Variants in NTRK1 observed in about 807,000 individuals in gnomAD.
NTRK1 encodes high affinity nerve growth factor receptor.
NTRK1 carries 62 observed loss-of-function variants against 86.8 expected under a neutral mutation model. That is an observed-to-expected ratio of 0.71 (90% confidence interval 0.58 to 0.88). The LOEUF is 0.88. NTRK1 is among the 40% of genes least tolerant of loss of function. NTRK1 has a pLI of 0.00. For missense variants in NTRK1, 967 were observed against 1,078.4 expected, an observed-to-expected ratio of 0.90 and a Z score of 1.45; for synonymous variants, 469 against 456.6, an observed-to-expected ratio of 1.03 and a Z score of -0.35.
intron 1 of NTRK1, among the ~76,000 whole-genome samples, chr1:156,818,446 C>T (rs561502614): frequency 6.6e-6 from 1 of 152,212 alleles, no homozygotes; most frequent in African/African-American, 2.4e-5. Flanking sequence ...GCAGTGTACA[C>T]TGTCCCCAAT....
Position 156,876,082 on chromosome 1 carries a change from G to T in NTRK1, c.1504G>T (p.Val502Phe). ...TCTGACCCTGCAAGCCCCCTCAGGT[G>T]TTCACCACATCAAGCGCCGGGACAT... ...ENPQYFSDAC[V>F]HHIKRRDIVL... The change falls in exon 13 of 17, where the codon GTT becomes TTT. Residue 502 changes from valine (V) to phenylalanine (F), a missense_variant and splice_region_variant. Around this residue, in one of 2 missense-constraint regions of NTRK1, gnomAD observed 637 missense variants for 776.5 expected, o/e 0.82. Coordinates refer to ENST00000524377, the MANE Select transcript of NTRK1 (RefSeq NM_002529.4). 2 of 1,614,188 alleles carry T rather than the reference G, an allele frequency of 1.2e-6. No homozygotes were observed. Among genetic ancestry groups the T allele is most frequent in the Non-Finnish European group, 1.7e-6 (2 of 1,180,032 alleles).
At chr1:156,855,853 T>G (rs866355505), upstream of NTRK1, among the ~76,000 whole-genome samples, 1 of 151,950 alleles carries the variant, frequency 6.6e-6, no homozygotes, top group Non-Finnish European at 1.5e-5. Flanking sequence ...TAAATAAAAT[T>G]GTGACACTTT....
At chr1:156,836,461 T>A (rs1654602000) in intron 1 of NTRK1, among the ~76,000 whole-genome samples, 2 of 152,212 alleles carry the variant, frequency 1.3e-5, no homozygotes, top group South Asian at 4.1e-4. Flanking sequence ...TCTAGAGGCC[T>A]TGGTGATTGA....
intron 11 of NTRK1, 116 bp downstream of exon 11, chr1:156,875,124 G>T (rs2102913108): frequency 1.2e-6 from 1 of 801,148 alleles, no homozygotes; most frequent in South Asian, 1.4e-5. Flanking sequence ...CAGGGCGTGT[G>T]AGTGTGTTTG....
chr1:156,859,348 G>T (rs187152289), upstream of NTRK1, among the ~76,000 whole-genome samples: 312 of 152,242 alleles, frequency 2.0e-3, 2 homozygotes, highest in African/African-American at 6.5e-3. The surrounding 1 kb of genome is among the most constrained non-coding windows in gnomAD (Gnocchi z 6.2). Flanking sequence ...AGCGGCTCCC[G>T]CCAACCCTTT....
intron 6 of NTRK1, among the ~76,000 whole-genome samples, chr1:156,871,064 G>C (rs998190943): frequency 6.6e-6 from 1 of 152,198 alleles, no homozygotes; most frequent in Admixed American, 6.5e-5. Flanking sequence ...GACTCAGTTT[G>C]TTAGAACTGT....
intron 14 of NTRK1, among the ~76,000 whole-genome samples, chr1:156,878,368 G>T (rs549323577): frequency 1.3e-5 from 2 of 152,206 alleles, no homozygotes; most frequent in South Asian, 2.1e-4. Flanking sequence ...ATTCCCACCC[G>T]TGGTGCCTGC....
intron 1 of NTRK1, among the ~76,000 whole-genome samples, chr1:156,828,411 A>G (rs541838657): frequency 5.3e-5 from 8 of 152,256 alleles, no homozygotes; most frequent in South Asian, 2.1e-4. Flanking sequence ...ATTTTGAGGA[A>G]AAAAAAAGCA....
intron 2 of NTRK1, 75 bp downstream of exon 2, chr1:156,864,503 A>G: frequency 6.7e-7 from 1 of 1,485,956 alleles, no homozygotes; most frequent in Non-Finnish European, 9.4e-7. Context: ...GGAGGGCTCA[A>G]GCATCCGAGG....
At chr1:156,842,233 C>T (rs201742278) in intron 2 of NTRK1, 12 of 1,614,046 alleles carry the variant, frequency 7.4e-6, no homozygotes, top group Non-Finnish European at 1.0e-5. Flanking sequence ...CCATTTGGAT[C>T]ATTTCCCCCA....
At chr1:156,840,925 G>C in intron 1 of NTRK1, 1 of 1,614,118 alleles carries the variant, frequency 6.2e-7, no homozygotes, top group Non-Finnish European at 8.5e-7. Context: ...AGTGGGTGAG[G>C]AGTCAGGCTC....
intron 2 of NTRK1, chr1:156,846,806 G>A (rs1336050078): frequency 6.8e-7 from 1 of 1,463,586 alleles, no homozygotes; most frequent in Non-Finnish European, 9.6e-7. Flanking sequence ...CCACCCTCAA[G>A]TTCTGGCACC....
At chr1:156,871,422 A>G (rs937471980) in intron 6 of NTRK1, among the ~76,000 whole-genome samples, 14 of 152,098 alleles carry the variant, frequency 9.2e-5, no homozygotes, top group African/African-American at 3.4e-4. Context: ...AAAAAATGTG[A>G]TCCAGGAGAT....
At chr1:156,848,097 C>CA (rs1558087823) in intron 2 of NTRK1, among the ~76,000 whole-genome samples, 1 of 151,586 alleles carries the variant, frequency 6.6e-6, no homozygotes, top group Admixed American at 6.5e-5. Context: ...CTGTATTTAA[C>CA]AAACTCTCCA....
intron 10 of NTRK1, 71 bp downstream of exon 10, chr1:156,874,697 A>G (rs2102910758): frequency 6.7e-7 from 1 of 1,488,280 alleles, no homozygotes; most frequent in South Asian, 1.2e-5. Flanking sequence ...TCTGCATGTC[A>G]TTTCTGGTCA....
chr1:156,855,642 G>T (rs1655383354), intron 2 of NTRK1, among the ~76,000 whole-genome samples: 1 of 152,070 alleles, frequency 6.6e-6, no homozygotes, highest in African/African-American at 2.4e-5. Flanking sequence ...GGGCAACATG[G>T]CAAAACCCCA....
upstream of NTRK1, among the ~76,000 whole-genome samples, chr1:156,858,001 TC>T (rs1340204722): frequency 3.3e-5 from 5 of 152,044 alleles, no homozygotes; most frequent in African/African-American, 1.2e-4. Context: ...AGAGCAGTCT[TC>T]CCCCAAAACC....
In NTRK1 at chr1:156,868,520, A is replaced by G. The variant is rs753902046; in HGVS notation, c.590A>G (p.Lys197Arg). Reference protein sequence around the residue: ...PNASCGVPTLKVQVPNASVDV... With the variant: ...PNASCGVPTLRVQVPNASVDV... ...GGGTGGCCAGGTGTGCCCACGCTGA[A>G]GGTCCAGGTGCCCAATGCCTCGGTG... Residue 197 changes from lysine to arginine, a missense_variant, in exon 6 of 17, where the codon AAG becomes AGG. Coordinates refer to ENST00000524377, the MANE Select transcript of NTRK1 (RefSeq NM_002529.4). 5 of 1,559,088 alleles carry G rather than the reference A, an allele frequency of 3.2e-6. No homozygotes were observed. The East Asian group carries it at 1.2e-4, about 38-fold the overall frequency.
chr1:156,854,594 C>T lies in NTRK1; in HGVS notation c.51-9760C>T, dbSNP rs570313884. On this transcript the variant is annotated intron_variant, in intron 2 of 16. Transcript: ENST00000392302. This position sits in a 1 kb window ranked among gnomAD's most constrained non-coding sequence, Gnocchi z 4.2. ...TTCATTCTTGCAGTCAGGCTCCCAA[C>T]GACTGCAAGCGACTCCCAGCGACTT... is the stretch of plus-strand genomic sequence containing the variant. 1.3e-4 allele frequency among the ~76,000 whole-genome samples: 20 copies of T among 152,322 alleles called. No individual in the cohort carries two copies. In the East Asian group the frequency reaches 3.1e-3, roughly 24 times the overall value.
Sources: gnomAD v4.1 joint callset for allele counts (sites outside exome capture counted in the v4.1 genomes callset) on GRCh38, gnomAD v4.1.1 for gene constraint, gnomAD v4.1.1 regional missense constraint, Gnocchi (gnomAD v3.1) non-coding constraint, MANE v1.5 for transcripts, NCBI Gene and HGNC (gene_info 2026-07-23, HGNC 2026-07-21) for gene names.